DPYD: variants seen among roughly 807,000 people sequenced by gnomAD.
DPYD encodes the protein dihydropyrimidine dehydrogenase.
DPYD carries 109 observed loss-of-function variants against 116.2 expected under a neutral mutation model. The ratio of observed to expected loss-of-function variants is 0.94; its 90% CI spans 0.80 to 1.10. The LOEUF (loss-of-function observed/expected upper bound fraction) is 1.10. DPYD is among the 50% of genes least tolerant of loss of function. The pLI is 0.00. For missense variants in DPYD, 1,302 were observed against 1,254.5 expected, an observed-to-expected ratio of 1.04 and a Z score of -0.57; for synonymous variants, 440 against 432.0, an observed-to-expected ratio of 1.02 and a Z score of -0.23.
At chr1:97,644,103 T>C (rs1658104554) in intron 8 of DPYD, among the ~76,000 whole-genome samples, 3 of 151,954 alleles carry the variant, frequency 2.0e-5, no homozygotes, top group Admixed American at 2.0e-4. Flanking sequence ...AAATTGTATT[T>C]TTAAAATCTG....
chr1:97,538,067 CAAAA>C (rs67281977), intron 12 of DPYD, among the ~76,000 whole-genome samples: 1 of 124,546 alleles, frequency 8.0e-6, no homozygotes. Flanking sequence ...AACTCTGTCT[CAAAA>C]AAAAAAAAAA....
intron 19 of DPYD, among the ~76,000 whole-genome samples, chr1:97,200,920 G>A (rs533265959): frequency 4.5e-4 from 69 of 152,212 alleles, no homozygotes; most frequent in African/African-American, 1.6e-3. Flanking sequence ...AGACAGAGAA[G>A]GTGCTATGAA....
At chr1:97,164,746 T>A (rs1444918004) in intron 20 of DPYD, among the ~76,000 whole-genome samples, 1 of 152,014 alleles carries the variant, frequency 6.6e-6, no homozygotes, top group African/African-American at 2.4e-5. Context: ...ACAATGAGGA[T>A]TATAAAACAC....
At chr1:97,590,708 C>T (rs1557821939) in intron 10 of DPYD, among the ~76,000 whole-genome samples, 1 of 152,160 alleles carries the variant, frequency 6.6e-6, no homozygotes, top group East Asian at 1.9e-4. Context: ...CTTTGGTAAT[C>T]AAGTTTCAGG....
intron 18 of DPYD, among the ~76,000 whole-genome samples, chr1:97,237,241 CAAAAAAAAAAAAAAA>C (rs58926889): frequency 0.044 from 2,518 of 57,810 alleles, 114 homozygotes; most frequent in African/African-American, 0.15. Flanking sequence ...GATTCTGTCT[CAAAAAAAAAAAAAAA>C]AAAAAAAAAA....
intron 3 of DPYD, among the ~76,000 whole-genome samples, chr1:97,760,859 T>C (rs1200374545): frequency 1.3e-5 from 2 of 152,266 alleles, no homozygotes; most frequent in Non-Finnish European, 1.5e-5. Context: ...GGTGGGGGAC[T>C]GTAGTTAAGC....
chr1:97,249,276 C>T (rs1280058377), intron 18 of DPYD, among the ~76,000 whole-genome samples: 3 of 151,780 alleles, frequency 2.0e-5, no homozygotes, highest in East Asian at 3.9e-4. Context: ...TATAGTCCCA[C>T]AGGTAAGGCC....
intron 18 of DPYD, among the ~76,000 whole-genome samples, chr1:97,289,803 C>T (rs1270739528): frequency 2.6e-5 from 4 of 151,222 alleles, no homozygotes; most frequent in Admixed American, 6.6e-5. Flanking sequence ...TCTCTCGCCA[C>T]TCCTATTCAA....
chr1:97,357,451 C>G (rs1194232637), intron 16 of DPYD, among the ~76,000 whole-genome samples: 1 of 151,154 alleles, frequency 6.6e-6, no homozygotes, highest in Non-Finnish European at 1.5e-5. Context: ...TTCTGCTTTT[C>G]CTATTTGCAT....
intron 20 of DPYD, among the ~76,000 whole-genome samples, chr1:97,154,842 G>C (rs1003411551): frequency 6.6e-6 from 1 of 152,016 alleles, no homozygotes; most frequent in Non-Finnish European, 1.5e-5. Context: ...CAACATCTCA[G>C]AAATCACCAC....
At chr1:97,533,618 T>C (rs981713372) in intron 12 of DPYD, among the ~76,000 whole-genome samples, 3 of 152,068 alleles carry the variant, frequency 2.0e-5, no homozygotes, top group East Asian at 1.9e-4. Context: ...GTGACGAAGG[T>C]AAATCAAATA....
chr1:97,308,098 A>G (rs956763452), intron 16 of DPYD, among the ~76,000 whole-genome samples: 1 of 151,792 alleles, frequency 6.6e-6, no homozygotes, highest in Non-Finnish European at 1.5e-5. Context: ...TTTCAATACT[A>G]TTGACCCCCA....
intron 21 of DPYD, among the ~76,000 whole-genome samples, chr1:97,088,123 A>C (rs1322634675): frequency 1.3e-5 from 2 of 152,190 alleles, no homozygotes; most frequent in Admixed American, 1.3e-4. Flanking sequence ...TGATTATATA[A>C]TCAAATTTGT....
In DPYD at chr1:97,898,500, G is replaced by C. The variant is rs185865488; in HGVS notation, c.40-15126C>G. Among the ~76,000 whole-genome samples, 226 of 151,984 alleles carry C rather than the reference G, an allele frequency of 1.5e-3. 1 individual carries two copies. Among genetic ancestry groups the C allele is most frequent in the Admixed American group, 3.1e-3 (48 of 15,240 alleles). Reference sequence around the variant, plus strand: ...ATTAGGGTTTCCTTCATTTGTTTATGTTTCTCAGGGAACACTGTATTTCAT... The same window carrying C: ...ATTAGGGTTTCCTTCATTTGTTTATCTTTCTCAGGGAACACTGTATTTCAT... On this transcript the variant is annotated intron_variant, in intron 1 of 22. Transcript: ENST00000370192.
At chr1:97,330,534 C>G (rs919514655) in intron 16 of DPYD, among the ~76,000 whole-genome samples, 1 of 152,074 alleles carries the variant, frequency 6.6e-6, no homozygotes, top group East Asian at 1.9e-4. Flanking sequence ...TAAGACAAAG[C>G]TACTTTTCTC....
At chr1:97,800,914 T>C (rs1667815292) in intron 3 of DPYD, among the ~76,000 whole-genome samples, 1 of 151,960 alleles carries the variant, frequency 6.6e-6, no homozygotes, top group African/African-American at 2.4e-5. Flanking sequence ...CATTTCTCCC[T>C]GAGTCTTACA....
At chr1:97,474,294 A>G (rs2101861411) in intron 13 of DPYD, among the ~76,000 whole-genome samples, 1 of 152,214 alleles carries the variant, frequency 6.6e-6, no homozygotes, top group South Asian at 2.1e-4. Context: ...AAATATTAAC[A>G]CAATGAAATG....
intron 18 of DPYD, among the ~76,000 whole-genome samples, chr1:97,240,922 A>C (rs1288354003): frequency 6.6e-6 from 1 of 152,054 alleles, no homozygotes; most frequent in Non-Finnish European, 1.5e-5. Flanking sequence ...TCCTCTGAGA[A>C]TATTTGCATA....
intron 8 of DPYD, among the ~76,000 whole-genome samples, chr1:97,636,212 A>G (rs1337407791): frequency 6.6e-6 from 1 of 152,150 alleles, no homozygotes; most frequent in Non-Finnish European, 1.5e-5. Context: ...CACTCCAAGC[A>G]TATAGTAGTT....
Sources: gnomAD v4.1 joint callset for allele counts (sites outside exome capture counted in the v4.1 genomes callset) on GRCh38, gnomAD v4.1.1 for gene constraint, MANE v1.5 for transcripts, NCBI Gene and HGNC (gene_info 2026-07-23, HGNC 2026-07-21) for gene names.